Variants in CDH4 observed in about 807,000 individuals in gnomAD.
The protein encoded by CDH4 is cadherin-4.
A neutral mutation model predicts 86.0 loss-of-function variants in CDH4; 33 were observed. That is an observed-to-expected ratio of 0.38 (90% confidence interval 0.29 to 0.51). The LOEUF (loss-of-function observed/expected upper bound fraction) is 0.51, where lower values mean the gene tolerates loss of function less well. CDH4 is among the 20% of genes least tolerant of loss of function. CDH4 has a pLI of 0.86. For synonymous variants in CDH4, 555 were observed against 549.4 expected (o/e 1.01, Z -0.14); for missense variants, 1,114 against 1,307.4 (o/e 0.85, Z 2.28).
At chr20:61,833,108 G>T (rs1981704324) in intron 4 of CDH4, among the ~76,000 whole-genome samples, 1 of 151,922 alleles carries the variant, frequency 6.6e-6, no homozygotes, top group Admixed American at 6.6e-5. Flanking sequence ...CCCCATGAGT[G>T]AGTGAACACA....
intron 2 of CDH4, among the ~76,000 whole-genome samples, chr20:61,532,623 C>T (rs1330311597): frequency 1.3e-5 from 2 of 152,144 alleles, no homozygotes; most frequent in Admixed American, 6.5e-5. Flanking sequence ...GCTCTCCTGC[C>T]CCAGAAATCA....
At chr20:61,757,496 C>A (rs2088580017) in intron 3 of CDH4, among the ~76,000 whole-genome samples, 1 of 152,354 alleles carries the variant, frequency 6.6e-6, no homozygotes, top group Admixed American at 6.5e-5. Flanking sequence ...GTGCCCAGGG[C>A]CCCAGGGGCA....
intron 3 of CDH4, among the ~76,000 whole-genome samples, chr20:61,746,206 G>A (rs1312266196): frequency 6.6e-6 from 1 of 152,168 alleles, no homozygotes; most frequent in African/African-American, 2.4e-5. Context: ...ACGCCCTGGT[G>A]AACAAGGCAG....
chr20:61,281,672 C>A (rs2084259736), intron 2 of CDH4, among the ~76,000 whole-genome samples: 1 of 152,228 alleles, frequency 6.6e-6, no homozygotes, highest in Non-Finnish European at 1.5e-5. Context: ...TCCAGGATGG[C>A]AGGATAAATC....
chr20:61,450,440 G>C (rs908255708), intron 2 of CDH4, among the ~76,000 whole-genome samples: 4 of 152,162 alleles, frequency 2.6e-5, no homozygotes, highest in African/African-American at 9.6e-5. Context: ...TGGGGGCTGA[G>C]ATGCTGTGTG....
intron 9 of CDH4, among the ~76,000 whole-genome samples, chr20:61,914,084 C>T (rs1026074510): frequency 2.0e-5 from 3 of 152,218 alleles, no homozygotes; most frequent in Non-Finnish European, 4.4e-5. Context: ...CTCCCCACCA[C>T]CTGTGCCTCC....
chr20:61,304,828 G>A (rs376397410), intron 2 of CDH4, among the ~76,000 whole-genome samples: 1 of 151,430 alleles, frequency 6.6e-6, no homozygotes, highest in South Asian at 2.1e-4. Context: ...TGTACAGTGT[G>A]TCCTTTGTGT....
At chr20:61,721,473 T>A (rs7271235) in intron 2 of CDH4, among the ~76,000 whole-genome samples, 1 of 151,998 alleles carries the variant, frequency 6.6e-6, no homozygotes, top group Non-Finnish European at 1.5e-5. Context: ...CATTTCTGGT[T>A]CATTGACCTT....
chr20:61,295,494 G>A (rs1022077399), intron 2 of CDH4, among the ~76,000 whole-genome samples: 1 of 152,232 alleles, frequency 6.6e-6, no homozygotes, highest in Admixed American at 6.5e-5. Flanking sequence ...CGACTGTTGC[G>A]GAGTGGAAGT....
intron 2 of CDH4, among the ~76,000 whole-genome samples, chr20:61,478,708 G>A (rs759645645): frequency 4.6e-5 from 7 of 152,294 alleles, no homozygotes; most frequent in East Asian, 1.9e-4. Flanking sequence ...AAGAGATCAC[G>A]GTGACGTGAA....
chr20:61,798,955 A>C (rs1429834355), intron 4 of CDH4, among the ~76,000 whole-genome samples: 1 of 152,256 alleles, frequency 6.6e-6, no homozygotes, highest in African/African-American at 2.4e-5. Flanking sequence ...GCAAGGGCTG[A>C]CAGCTACTGT....
chr20:61,448,523 T>C (rs113567807), intron 2 of CDH4, among the ~76,000 whole-genome samples: 5 of 152,284 alleles, frequency 3.3e-5, no homozygotes, highest in African/African-American at 1.2e-4. Context: ...GGGGGTTTTG[T>C]AAAATACACA....
At chr20:61,500,843 G>A (rs566085036) in intron 2 of CDH4, among the ~76,000 whole-genome samples, 5 of 152,326 alleles carry the variant, frequency 3.3e-5, no homozygotes, top group African/African-American at 4.8e-5. Flanking sequence ...GGTTGAACTG[G>A]CACTGGGACA....
At chr20:61,525,655 G>C (rs550321534) in intron 2 of CDH4, among the ~76,000 whole-genome samples, 2 of 152,186 alleles carry the variant, frequency 1.3e-5, no homozygotes, top group South Asian at 4.1e-4. Context: ...GGCTGTACCC[G>C]ATCTCGTTTT....
intron 2 of CDH4, among the ~76,000 whole-genome samples, chr20:61,629,401 A>T (rs976955496): frequency 3.0e-4 from 46 of 152,306 alleles, no homozygotes; most frequent in African/African-American, 9.1e-4. Context: ...ATAAAAAAAA[A>T]AATAATTAAG....
chr20:61,810,113 G>A lies in CDH4; in HGVS notation c.577-34555G>A, dbSNP rs374350138. ...TGGCTAGCGTTGGTCAGACCTGGAC[G>A]GGCCTCAGCCGGGGTGGGGTGGGGG... On this transcript the variant is annotated intron_variant, in intron 4 of 15. Coordinates refer to ENST00000614565, the MANE Select transcript of CDH4 (RefSeq NM_001794.5). The surrounding 1 kb of genome is among the most constrained non-coding windows in gnomAD (Gnocchi z 4.3). Among the ~76,000 whole-genome samples the A allele has an allele frequency of 1.2e-4, 19 of 152,314 alleles. No homozygotes were observed. The highest frequency in any genetic ancestry group is 9.1e-4 in the Admixed American group (14 of 15,308).
intron 2 of CDH4, among the ~76,000 whole-genome samples, chr20:61,673,226 C>T (rs969817675): frequency 2.0e-5 from 3 of 152,166 alleles, no homozygotes; most frequent in African/African-American, 4.8e-5. Context: ...ATGTTTTTGG[C>T]CACCAGACTT....
At chr20:61,726,629 TCAC>T (rs1475818953) in intron 2 of CDH4, among the ~76,000 whole-genome samples, 1 of 150,332 alleles carries the variant, frequency 6.7e-6, no homozygotes, top group Non-Finnish European at 1.5e-5. Context: ...GCCATCATCA[TCAC>T]CATCAGTCCC....
intron 2 of CDH4, among the ~76,000 whole-genome samples, chr20:61,319,361 T>C (rs568665790): frequency 6.6e-6 from 1 of 152,280 alleles, no homozygotes; most frequent in Non-Finnish European, 1.5e-5. Flanking sequence ...TTCCCTGTTA[T>C]GCTCCACCGG....
Sources: gnomAD v4.1 joint callset for allele counts (sites outside exome capture counted in the v4.1 genomes callset) on GRCh38, gnomAD v4.1.1 for gene constraint, Gnocchi (gnomAD v3.1) non-coding constraint, MANE v1.5 for transcripts, NCBI Gene and HGNC (gene_info 2026-07-23, HGNC 2026-07-21) for gene names.